The following TIMP2 variants were observed in gnomAD, a reference collection of about 807,000 sequenced individuals.
TIMP2 encodes the protein TIMP metallopeptidase inhibitor 2, also known as metalloproteinase inhibitor 2.
Under a neutral mutation model 24.3 loss-of-function variants are expected in TIMP2, and 5 were observed. That is an observed-to-expected ratio of 0.21 (90% CI 0.11 to 0.43). The LOEUF (loss-of-function observed/expected upper bound fraction) is 0.43, where lower values mean the gene tolerates loss of function less well. Among genes scored for constraint, TIMP2 ranks in the 20% least tolerant of loss-of-function variants. The pLI is 1.00. For missense variants in TIMP2, 221 were observed against 297.5 expected, an observed-to-expected ratio of 0.74 and a Z score of 1.89; for synonymous variants, 130 against 123.2, an observed-to-expected ratio of 1.06 and a Z score of -0.37.
At chr17:78,857,912 T>C (rs935776416) in intron 3 of TIMP2, among the ~76,000 whole-genome samples, 4 of 150,974 alleles carry the variant, frequency 2.6e-5, no homozygotes, top group Non-Finnish European at 4.4e-5. Context: ...TCTACTAAAA[T>C]ACAAAAAATT....
At chr17:78,874,050 C>T in intron 1 of TIMP2, 131 bp from the exon 2 acceptor site, 1 of 719,142 alleles carries the variant, frequency 1.4e-6, no homozygotes, top group East Asian at 2.8e-5. Context: ...GCGAGACGGG[C>T]AAGGGGCATG....
intron 1 of TIMP2, among the ~76,000 whole-genome samples, chr17:78,916,553 C>T (rs187833840): frequency 1.3e-5 from 2 of 152,304 alleles, no homozygotes; most frequent in Admixed American, 6.5e-5. Flanking sequence ...TGTGTCTGCC[C>T]GCGACCCATG....
chr17:78,882,956 C>A (rs926927100), intron 1 of TIMP2, among the ~76,000 whole-genome samples: 3 of 152,260 alleles, frequency 2.0e-5, no homozygotes, highest in African/African-American at 7.2e-5. Flanking sequence ...CCCCTTCATG[C>A]CAGCCCCTTT....
chr17:78,911,492 G>A (rs893227656), intron 1 of TIMP2, among the ~76,000 whole-genome samples: 1 of 152,006 alleles, frequency 6.6e-6, no homozygotes. Context: ...GTGCAGTGGC[G>A]TGATCTCAGC....
At chr17:78,915,851 T>C (rs1301624490) in intron 1 of TIMP2, among the ~76,000 whole-genome samples, 4 of 152,224 alleles carry the variant, frequency 2.6e-5, no homozygotes, top group African/African-American at 4.8e-5. Flanking sequence ...ACTCTGCTAT[T>C]TCCTAGCCAG....
intron 1 of TIMP2, among the ~76,000 whole-genome samples, chr17:78,913,273 C>A (rs2070224951): frequency 2.0e-5 from 3 of 152,160 alleles, no homozygotes; most frequent in Non-Finnish European, 4.4e-5. Context: ...GGGGAAACAT[C>A]ACGTGAACCC....
At chr17:78,866,335 C>T (rs557832211) in intron 3 of TIMP2, among the ~76,000 whole-genome samples, 2 of 152,208 alleles carry the variant, frequency 1.3e-5, no homozygotes, top group Middle Eastern at 6.8e-3. Context: ...CATTAGTTAG[C>T]TGGTAAGATC....
intron 1 of TIMP2, chr17:78,899,419 A>T (rs2145781647): frequency 6.6e-6 from 1 of 152,360 alleles, no homozygotes; most frequent in South Asian, 2.1e-4. Flanking sequence ...TCTGAGTGCA[A>T]CCCGCAGCCA....
At position 78,870,421 on chromosome 17, in the gene TIMP2, A is replaced by AAAAGAAAGAAAGAAAGAAAG. The variant is rs374853871; in HGVS notation, c.340+457_340+476dup. 1.5e-4 allele frequency among the ~76,000 whole-genome samples: 10 copies of AAAAGAAAGAAAGAAAGAAAG among 68,406 alleles called. 1 individual carries two copies. The highest frequency in any genetic ancestry group is 3.5e-4 in the African/African-American group (8 of 22,952). The allele number at this position is 68,406 out of a possible 152,430, so 44.9% of individuals were successfully genotyped here. ...ACAGAGCGACACTCTGTCTCAAAAA[A>AAAAGAAAGAAAGAAAGAAAG]AAAGAAAGAAAGAAAGAAAGAAAGA... On this transcript the variant is annotated intron_variant, in intron 3 of 4. Coordinates refer to ENST00000262768, the MANE Select transcript of TIMP2 (RefSeq NM_003255.5).
In TIMP2 at chr17:78,866,261, G is replaced by A. The variant is rs187051685; in HGVS notation, c.340+4637C>T. On this transcript the variant is annotated intron_variant, in intron 3 of 4. Transcript: ENST00000262768. Reference sequence around the variant, plus strand: ...ACACTGCAGACCATGCCTCTGCCACGCGCCACCGTGCGTGCTGTGCGGCCA... The same window carrying A: ...ACACTGCAGACCATGCCTCTGCCACACGCCACCGTGCGTGCTGTGCGGCCA... 1.1e-3 allele frequency among the ~76,000 whole-genome samples: 163 copies of A among 152,242 alleles called. 1 individual carries two copies. Among genetic ancestry groups the A allele is most frequent in the African/African-American group, 3.7e-3 (155 of 41,552 alleles).
rs1213605604 is a variant in TIMP2, at chr17:78,896,227, C to T, written c.131-22308G>A. ...ACTTGAGGCAGAGGGCAGGGTCTCA[C>T]GTGGACTTGTGCAGGCACTGGCAGG... On this transcript the variant is annotated intron_variant, in intron 1 of 4. Transcript: ENST00000262768. This position sits in a 1 kb window ranked among gnomAD's most constrained non-coding sequence, Gnocchi z 4.4. 6.6e-6 allele frequency among the ~76,000 whole-genome samples: 1 copy of T among 152,202 alleles called. No individual in the cohort carries two copies. Among genetic ancestry groups the T allele is most frequent in the Non-Finnish European group, 1.5e-5 (1 of 68,038 alleles).
chr17:78,905,365 A>C (rs2070149235), intron 1 of TIMP2, among the ~76,000 whole-genome samples: 1 of 152,190 alleles, frequency 6.6e-6, no homozygotes, highest in Non-Finnish European at 1.5e-5. Flanking sequence ...GTCAATTCCC[A>C]CATAAATCCC....
At chr17:78,856,560 A>C (rs936670343) in intron 4 of TIMP2, 6 of 152,664 alleles carry the variant, frequency 3.9e-5, no homozygotes, top group Non-Finnish European at 7.3e-5. Flanking sequence ...GGAGGTGCCC[A>C]GCACTCAGCC....
intron 1 of TIMP2, among the ~76,000 whole-genome samples, chr17:78,885,634 G>A (rs866951679): frequency 3.9e-5 from 6 of 152,182 alleles, no homozygotes; most frequent in South Asian, 2.1e-4. Flanking sequence ...ACTTGTGTCC[G>A]GAAGAGAGGT....
chr17:78,904,109 T>TGTGTGTGTGTGTGTGTGTGTGTGTG (rs1568005630), intron 1 of TIMP2: 1 of 42,560 alleles, frequency 2.3e-5, no homozygotes, highest in African/African-American at 1.7e-4. Context: ...GTGTGTGTGT[T>TGTGTGTGTGTGTGTGTGTGTGTGTG]TTAGCAGAGA....
intron 1 of TIMP2, among the ~76,000 whole-genome samples, chr17:78,895,457 G>A (rs951310948): frequency 6.6e-6 from 1 of 152,160 alleles, no homozygotes; most frequent in Non-Finnish European, 1.5e-5. Context: ...AACGGCTGTC[G>A]TCAAAAAGAC....
At chr17:78,866,978 A>G (rs2069622424) in intron 3 of TIMP2, among the ~76,000 whole-genome samples, 1 of 152,152 alleles carries the variant, frequency 6.6e-6, no homozygotes, top group Admixed American at 6.6e-5. Context: ...ACTGAATTGT[A>G]GGCCGGGCGC....
At chr17:78,902,159 T>G (rs1277830628) in intron 1 of TIMP2, among the ~76,000 whole-genome samples, 1 of 151,924 alleles carries the variant, frequency 6.6e-6, no homozygotes, top group South Asian at 2.1e-4. Context: ...CAGGCTGGAG[T>G]GCAGTGGTGC....
rs2069707753 is a variant in TIMP2, at chr17:78,873,998, G to A, written c.131-79C>T. 10 of 1,364,372 alleles carry A rather than the reference G, an allele frequency of 7.3e-6. No individual in the cohort carries two copies. The East Asian group carries it at 1.9e-4, about 25-fold the overall frequency. The allele number at this position is 1,364,372 out of a possible 1,614,324, so 84.5% of individuals were successfully genotyped here. On this transcript the variant is annotated intron_variant, in intron 1 of 4. Coordinates refer to ENST00000262768, the MANE Select transcript of TIMP2 (RefSeq NM_003255.5). ...GCTAAGGAGAGGGATAAGACGTCCA[G>A]GCCTGCGGGAGGTGCTGGGGGGTTA...
Sources: allele counts gnomAD v4.1 joint callset (sites outside exome capture counted in the v4.1 genomes callset), GRCh38; gene constraint gnomAD v4.1.1; non-coding constraint Gnocchi (gnomAD v3.1); transcripts MANE v1.5; gene names NCBI Gene and HGNC (gene_info 2026-07-23, HGNC 2026-07-21).